Variants in C12orf42 observed in about 807,000 individuals in gnomAD.
C12orf42 encodes chromosome 12 open reading frame 42.
C12orf42 carries 25 observed loss-of-function variants against 21.6 expected under a neutral mutation model. The ratio of observed to expected loss-of-function variants is 1.16; its 90% CI spans 0.84 to 1.62. The LOEUF (loss-of-function observed/expected upper bound fraction) is 1.62. C12orf42 is among the 40% of genes most tolerant of loss of function. C12orf42 has a pLI of 0.00. For missense variants in C12orf42, 483 were observed against 459.3 expected (o/e 1.05, Z -0.47); for synonymous variants, 174 against 175.0 (o/e 0.99, Z 0.05).
chr12:103,137,244 A>G, the C12orf42 span, among the ~76,000 whole-genome samples: 2 of 152,206 alleles, frequency 1.3e-5, no homozygotes, highest in African/African-American at 4.8e-5. Context: ...AAGAAGACAT[A>G]CAAATGGCCA....
At chr12:103,205,356 G>T in the C12orf42 span, among the ~76,000 whole-genome samples, 2 of 152,182 alleles carry the variant, frequency 1.3e-5, no homozygotes, top group Non-Finnish European at 2.9e-5. Flanking sequence ...ATGGCAGAAA[G>T]TGAAGGAAGA....
At chr12:103,323,567 A>C (rs1329685243) in intron 4 of C12orf42, among the ~76,000 whole-genome samples, 1 of 152,248 alleles carries the variant, frequency 6.6e-6, no homozygotes, top group Non-Finnish European at 1.5e-5. Context: ...AGTGAATGTC[A>C]ACACAATAGC....
chr12:103,295,861 T>G (rs970121393), intron 4 of C12orf42, among the ~76,000 whole-genome samples: 6 of 152,138 alleles, frequency 3.9e-5, no homozygotes, highest in African/African-American at 1.2e-4. Flanking sequence ...CCCAATTTTT[T>G]TAAATTTTTT....
the C12orf42 span, among the ~76,000 whole-genome samples, chr12:103,068,934 C>CATATATATATAT: frequency 6.2e-5 from 3 of 48,154 alleles, no homozygotes; most frequent in East Asian, 4.1e-4. Flanking sequence ...TCTCTCTCCA[C>CATATATATATAT]ATATATATAT....
At chr12:103,128,986 G>A in the C12orf42 span, among the ~76,000 whole-genome samples, 2 of 152,132 alleles carry the variant, frequency 1.3e-5, no homozygotes, top group Admixed American at 6.6e-5. Context: ...AGAGGGTGGG[G>A]GAAAGGGAGG....
At chr12:103,209,141 C>T in the C12orf42 span, among the ~76,000 whole-genome samples, 7 of 151,858 alleles carry the variant, frequency 4.6e-5, no homozygotes, top group Admixed American at 2.0e-4. Context: ...CAGCAGAACA[C>T]GAATATCAAT....
At chr12:103,248,267 C>T (rs533281117) in intron 10 of C12orf42, among the ~76,000 whole-genome samples, 4 of 152,006 alleles carry the variant, frequency 2.6e-5, no homozygotes, top group Non-Finnish European at 5.9e-5. Flanking sequence ...AATGAATTGT[C>T]GGCATACACC....
chr12:103,478,710 A>G (rs1327995903), intron 1 of C12orf42, among the ~76,000 whole-genome samples: 1 of 151,868 alleles, frequency 6.6e-6, no homozygotes, highest in Non-Finnish European at 1.5e-5. Flanking sequence ...TTTTCTGCAT[A>G]AAGTTCTTGA....
chr12:103,329,146 G>A (rs2137015964), intron 4 of C12orf42, among the ~76,000 whole-genome samples: 1 of 151,950 alleles, frequency 6.6e-6, no homozygotes, highest in Non-Finnish European at 1.5e-5. Context: ...AGCTATGGCA[G>A]GGACGCAGGC....
At position 103,413,606 on chromosome 12, in the gene C12orf42, T is replaced by G. The variant is rs992163594; in HGVS notation, c.79-11931A>C. Reference sequence around the variant, plus strand: ...CCTGAGCAGTGTGCACCGTACTCAGTGTGTAGTCTTTTATCCCTCACCCAT... The same window carrying G: ...CCTGAGCAGTGTGCACCGTACTCAGGGTGTAGTCTTTTATCCCTCACCCAT... On this transcript the variant is annotated intron_variant, in intron 2 of 5. Coordinates refer to ENST00000548883, the MANE Select transcript of C12orf42 (RefSeq NM_198521.5). Among the ~76,000 whole-genome samples, 3 of 152,132 alleles carry G rather than the reference T, an allele frequency of 2.0e-5. 1 individual carries two copies. Among genetic ancestry groups the G allele is most frequent in the Middle Eastern group, 6.3e-3 (2 of 316 alleles).
chr12:103,191,110 CA>C, the C12orf42 span, among the ~76,000 whole-genome samples: 1 of 152,118 alleles, frequency 6.6e-6, no homozygotes, highest in African/African-American at 2.4e-5. Context: ...TGCGTATATT[CA>C]CAGTTCTGTT....
At chr12:103,283,441 C>CTAT (rs1408768203) in intron 4 of C12orf42, among the ~76,000 whole-genome samples, 1 of 152,182 alleles carries the variant, frequency 6.6e-6, no homozygotes, top group African/African-American at 2.4e-5. Context: ...CTCTCCATTG[C>CTAT]TATTAGAAGA....
At chr12:103,337,650 C>A (rs920708297) in intron 4 of C12orf42, among the ~76,000 whole-genome samples, 1 of 152,168 alleles carries the variant, frequency 6.6e-6, no homozygotes, top group African/African-American at 2.4e-5. Flanking sequence ...CCATGCCCGG[C>A]CAAGGGGTTT....
intron 2 of C12orf42, among the ~76,000 whole-genome samples, chr12:103,467,560 A>G (rs918368913): frequency 8.5e-5 from 13 of 152,146 alleles, no homozygotes; most frequent in African/African-American, 2.7e-4. Flanking sequence ...GCTGGAGGGT[A>G]GAACAGGTGG....
At chr12:103,303,291 T>A (rs1301462643) in intron 5 of C12orf42, among the ~76,000 whole-genome samples, 2 of 151,952 alleles carry the variant, frequency 1.3e-5, no homozygotes, top group Non-Finnish European at 2.9e-5. Flanking sequence ...CATTTTCATA[T>A]GTATATATAA....
At chr12:103,200,950 G>A in the C12orf42 span, among the ~76,000 whole-genome samples, 9 of 152,130 alleles carry the variant, frequency 5.9e-5, no homozygotes, top group African/African-American at 1.9e-4. Flanking sequence ...TTTGGGATTT[G>A]ATGATCTCTT....
At chr12:103,535,098 C>A in the C12orf42 span, among the ~76,000 whole-genome samples, 1 of 152,204 alleles carries the variant, frequency 6.6e-6, no homozygotes, top group Non-Finnish European at 1.5e-5. Context: ...GACCCAAGAG[C>A]CTTGTGTCCT....
In C12orf42 at chr12:103,495,578, T is replaced by TC. The variant is rs527325534; in HGVS notation, c.-22+323dup. ...TGCTCGCTGTCAATGCATCACCTGC[T>TC]CGTCTGGGCCGTCGCCGGGGCAACG... On this transcript the variant is annotated intron_variant, in intron 1 of 5. Coordinates refer to ENST00000548883, the MANE Select transcript of C12orf42 (RefSeq NM_198521.5). Among the ~76,000 whole-genome samples the TC allele has an allele frequency of 3.8e-3, 570 of 151,562 alleles. 2 individuals carry two copies. Among genetic ancestry groups the TC allele is most frequent in the South Asian group, 9.6e-3 (46 of 4,816 alleles).
At chr12:103,534,251 T>C in the C12orf42 span, among the ~76,000 whole-genome samples, 79 of 152,278 alleles carry the variant, frequency 5.2e-4, 1 homozygote, top group African/African-American at 1.8e-3. Flanking sequence ...TAAACTCAAA[T>C]AAATACCACA....
Sources: allele counts gnomAD v4.1 joint callset (sites outside exome capture counted in the v4.1 genomes callset), GRCh38; gene constraint gnomAD v4.1.1; transcripts MANE v1.5; gene names NCBI Gene and HGNC (gene_info 2026-07-23, HGNC 2026-07-21).